The following FSTL5 variants were observed in gnomAD, a reference collection of about 807,000 sequenced individuals.
FSTL5 encodes the protein follistatin like 5.
In FSTL5, 62 loss-of-function variants were observed where a neutral mutation model predicts 89.1. The ratio of observed to expected loss-of-function variants is 0.70; its 90% confidence interval spans 0.57 to 0.86. The LOEUF is 0.86. Among genes scored for constraint, FSTL5 ranks in the 40% least tolerant of loss-of-function variants. The pLI is 0.00. For missense variants in FSTL5, 1,057 were observed against 1,001.6 expected (o/e 1.06, Z -0.75); for synonymous variants, 383 against 346.2 (o/e 1.11, Z -1.18).
chr4:161,874,436 T>C (rs1732373605), intron 4 of FSTL5, among the ~76,000 whole-genome samples: 1 of 152,062 alleles, frequency 6.6e-6, no homozygotes, highest in South Asian at 2.1e-4. Flanking sequence ...TTAATTCTTT[T>C]GGAGGATATT....
intron 3 of FSTL5, among the ~76,000 whole-genome samples, chr4:162,009,101 A>G (rs1290588316): frequency 6.6e-6 from 1 of 152,088 alleles, no homozygotes; most frequent in Non-Finnish European, 1.5e-5. Context: ...GTTCTCTTTT[A>G]GCAAAGCCTT....
At position 161,759,565 on chromosome 4, in the gene FSTL5, TTG is replaced by T. The variant is rs1239126550; in HGVS notation, c.607-36_607-35del. On this transcript the variant is annotated intron_variant, in intron 5 of 15. Coordinates refer to ENST00000306100, the MANE Select transcript of FSTL5 (RefSeq NM_020116.5). The stretch of plus-strand genomic sequence containing the variant: ...AAAATTATAAACCATACCTTTAGAT[TTG>T]TGTCTTAAAATTTCTATAATATAAT... 12 of 1,331,918 alleles carry T rather than the reference TTG, an allele frequency of 9.0e-6. 1 individual carries two copies. The highest frequency in any genetic ancestry group is 1.2e-5 in the Non-Finnish European group (12 of 989,394). The allele number at this position is 1,331,918 out of a possible 1,614,324, so 82.5% of individuals were successfully genotyped here.
At chr4:161,962,122 T>G (rs149657610) in intron 3 of FSTL5, among the ~76,000 whole-genome samples, 1 of 151,958 alleles carries the variant, frequency 6.6e-6, no homozygotes, top group Non-Finnish European at 1.5e-5. Context: ...GAATATTAAA[T>G]ATGAGTACAA....
intron 15 of FSTL5, among the ~76,000 whole-genome samples, chr4:161,442,147 GTTT>G (rs58107906): frequency 7.0e-6 from 1 of 142,840 alleles, no homozygotes; most frequent in African/African-American, 2.6e-5. Context: ...TCTATAAAAG[GTTT>G]TTTTTTTTTT....
chr4:162,016,686 T>C (rs1736925038), intron 3 of FSTL5, among the ~76,000 whole-genome samples: 1 of 152,210 alleles, frequency 6.6e-6, no homozygotes, highest in South Asian at 2.1e-4. Flanking sequence ...CTAATTATAT[T>C]TGGAGTATCT....
At chr4:161,506,662 T>C (rs967449416) in intron 11 of FSTL5, among the ~76,000 whole-genome samples, 10 of 152,146 alleles carry the variant, frequency 6.6e-5, no homozygotes, top group Non-Finnish European at 1.3e-4. Flanking sequence ...GCAGTGTACA[T>C]TTTTTGTGGG....
intron 8 of FSTL5, among the ~76,000 whole-genome samples, chr4:161,553,572 C>T (rs886353584): frequency 6.0e-5 from 9 of 151,014 alleles, no homozygotes; most frequent in East Asian, 3.9e-4. Context: ...GTGATAGGTT[C>T]GAGTTGAAAC....
chr4:161,669,387 A>C (rs1737017448), intron 6 of FSTL5, among the ~76,000 whole-genome samples: 1 of 152,100 alleles, frequency 6.6e-6, no homozygotes, highest in Non-Finnish European at 1.5e-5. Context: ...ACCTGACTTC[A>C]AGAGTTGCTA....
At chr4:161,757,945 G>A (rs1262669066) in intron 6 of FSTL5, among the ~76,000 whole-genome samples, 1 of 152,054 alleles carries the variant, frequency 6.6e-6, no homozygotes. Flanking sequence ...TATCATTTTT[G>A]AAAAGTAGCT....
At chr4:161,759,587 TA>T (rs2126789576) in intron 5 of FSTL5, 56 bp from the exon 6 acceptor site, 2 of 1,055,060 alleles carry the variant, frequency 1.9e-6, no homozygotes, top group East Asian at 6.1e-5. Flanking sequence ...ATTTCTATAA[TA>T]TAATTTATTA....
intron 15 of FSTL5, among the ~76,000 whole-genome samples, chr4:161,424,524 C>T: frequency 1.1e-5 from 1 of 94,834 alleles, no homozygotes. Context: ...CCTTTTCCTC[C>T]TTTAAATAAA....
intron 1 of FSTL5, among the ~76,000 whole-genome samples, chr4:162,146,809 T>A (rs1045342348): frequency 2.0e-5 from 3 of 150,750 alleles, no homozygotes; most frequent in African/African-American, 7.3e-5. Flanking sequence ...GTGTGTGAGA[T>A]GGAGTCTTGC....
At chr4:161,837,344 A>T (rs975692688) in intron 4 of FSTL5, among the ~76,000 whole-genome samples, 2 of 152,144 alleles carry the variant, frequency 1.3e-5, no homozygotes, top group African/African-American at 4.8e-5. Flanking sequence ...TTAGAAAAAA[A>T]CCTATAGACA....
At chr4:161,967,068 T>A (rs1275931550) in intron 3 of FSTL5, among the ~76,000 whole-genome samples, 1 of 151,062 alleles carries the variant, frequency 6.6e-6, no homozygotes, top group Non-Finnish European at 1.5e-5. Context: ...TGATATGGGA[T>A]TTCTGTTTCA....
intron 6 of FSTL5, among the ~76,000 whole-genome samples, chr4:161,700,945 T>C (rs1377009868): frequency 6.6e-6 from 1 of 152,190 alleles, no homozygotes; most frequent in African/African-American, 2.4e-5. Flanking sequence ...TTTCTTCAAA[T>C]TCTGCCTCAC....
intron 4 of FSTL5, among the ~76,000 whole-genome samples, chr4:161,799,585 A>G (rs1032966754): frequency 2.0e-5 from 3 of 151,698 alleles, no homozygotes; most frequent in African/African-American, 7.2e-5. Context: ...GTACTATATG[A>G]CTTGCTTGAC....
intron 15 of FSTL5, among the ~76,000 whole-genome samples, chr4:161,407,259 C>G (rs17041022): frequency 0.047 from 7,216 of 152,244 alleles, 434 homozygotes; most frequent in East Asian, 0.19. Flanking sequence ...GATGGTCTAG[C>G]AGATACACTA....
intron 6 of FSTL5, among the ~76,000 whole-genome samples, chr4:161,687,020 C>A (rs2126715327): frequency 1.3e-5 from 2 of 152,280 alleles, no homozygotes; most frequent in African/African-American, 4.8e-5. Flanking sequence ...ACCCCACACA[C>A]AAACACACAT....
chr4:161,412,821 G>A (rs1392635080), intron 15 of FSTL5, among the ~76,000 whole-genome samples: 1 of 152,148 alleles, frequency 6.6e-6, no homozygotes, highest in Non-Finnish European at 1.5e-5. Flanking sequence ...AACGTGGAAA[G>A]GACTTGCTAT....
Sources: allele counts gnomAD v4.1 joint callset (sites outside exome capture counted in the v4.1 genomes callset), GRCh38; gene constraint gnomAD v4.1.1; transcripts MANE v1.5; gene names NCBI Gene and HGNC (gene_info 2026-07-23, HGNC 2026-07-21).